The following TPTE2 variants were observed in gnomAD, a reference collection of about 807,000 sequenced individuals.
The protein encoded by TPTE2 is phosphatidylinositol 3,4,5-trisphosphate 3-phosphatase TPTE2.
Under a neutral mutation model 78.6 loss-of-function variants are expected in TPTE2, and 53 were observed. The observed-to-expected ratio is 0.67, with a 90% confidence interval of 0.54 to 0.85. The LOEUF (loss-of-function observed/expected upper bound fraction) is 0.85. Among genes scored for constraint, TPTE2 ranks in the 40% least tolerant of loss-of-function variants. TPTE2 has a pLI of 0.00. For synonymous variants in TPTE2, 175 were observed against 206.2 expected (o/e 0.85, Z 1.30); for missense variants, 461 against 623.0 (o/e 0.74, Z 2.77).
At chr13:19,434,780 G>A (rs935501605) in intron 15 of TPTE2, among the ~76,000 whole-genome samples, 15 of 152,176 alleles carry the variant, frequency 9.9e-5, no homozygotes, top group Admixed American at 6.5e-4. Flanking sequence ...AATCCATTTC[G>A]GAATTCCCAA....
At chr13:19,537,385 C>T (rs1871271578), upstream of TPTE2, among the ~76,000 whole-genome samples, 3 of 151,368 alleles carry the variant, frequency 2.0e-5, no homozygotes, top group Admixed American at 6.6e-5. Flanking sequence ...AGGCACCTGC[C>T]ACCATGCCCA....
the TPTE2 span, among the ~76,000 whole-genome samples, chr13:19,546,664 A>G: frequency 6.6e-6 from 1 of 151,372 alleles, no homozygotes; most frequent in African/African-American, 2.4e-5. Flanking sequence ...CAATTTTTGT[A>G]TTTTTAGTAG....
At chr13:19,436,920 A>C (rs1037732794) in intron 14 of TPTE2, among the ~76,000 whole-genome samples, 6 of 152,232 alleles carry the variant, frequency 3.9e-5, no homozygotes, top group African/African-American at 9.6e-5. Context: ...CAGTTAGAAG[A>C]AGCACAGGCC....
the TPTE2 span, among the ~76,000 whole-genome samples, chr13:19,553,194 T>C: frequency 5.9e-5 from 9 of 152,188 alleles, no homozygotes; most frequent in Non-Finnish European, 1.2e-4. Context: ...CATTAGTGCA[T>C]GTCATCCTCA....
chr13:19,439,233 CACAGCCAGCGGCACTGGCA>C (rs1345366432), intron 13 of TPTE2, among the ~76,000 whole-genome samples: 1 of 152,244 alleles, frequency 6.6e-6, no homozygotes, highest in East Asian at 1.9e-4. Flanking sequence ...GGATCAAGTA[CACAGCCAGCGGCACTGGCA>C]ACAGCCAGCT....
At chr13:19,438,281 G>T in intron 13 of TPTE2, 128 bp from the exon 17 acceptor site, 12 of 1,353,098 alleles carry the variant, frequency 8.9e-6, no homozygotes, top group Middle Eastern at 4.3e-4. Context: ...GTGTCACGCA[G>T]GCTGGAGTGC....
intron 1 of TPTE2, among the ~76,000 whole-genome samples, chr13:19,534,727 G>T (rs1304709559): frequency 6.6e-6 from 1 of 152,006 alleles, no homozygotes; most frequent in Non-Finnish European, 1.5e-5. Flanking sequence ...CTTAAGATTT[G>T]GTTACTTAGA....
At chr13:19,472,933 A>T (rs1291221112) in intron 6 of TPTE2, among the ~76,000 whole-genome samples, 1 of 152,144 alleles carries the variant, frequency 6.6e-6, no homozygotes, top group Non-Finnish European at 1.5e-5. Flanking sequence ...AGCCTCCTAA[A>T]CTCTGTGGTT....
intron 1 of TPTE2, among the ~76,000 whole-genome samples, chr13:19,519,843 G>A (rs1024595880): frequency 2.2e-4 from 33 of 152,286 alleles, no homozygotes; most frequent in African/African-American, 7.0e-4. Flanking sequence ...TAGGAACTGA[G>A]TTGAATATGT....
At chr13:19,518,441 C>A (rs1869938312) in intron 1 of TPTE2, among the ~76,000 whole-genome samples, 1 of 151,992 alleles carries the variant, frequency 6.6e-6, no homozygotes, top group Admixed American at 6.6e-5. Context: ...AAAAAATGGG[C>A]AAAATATGTG....
chr13:19,528,723 G>A lies in TPTE2; in HGVS notation c.-44+7873C>T, dbSNP rs115863051. On this transcript the variant is annotated intron_variant, in intron 1 of 17. Coordinates refer to the TPTE2 transcript ENST00000390680. ...ATATGACTCCTCCTTAAGTCTGCAT[G>A]GTTATCCACCCATCTCAGTCCCCAG... is the stretch of plus-strand genomic sequence containing the variant. 6.7e-3 allele frequency among the ~76,000 whole-genome samples: 1,022 copies of A among 152,250 alleles called. 9 individuals carry two copies. The highest frequency in any genetic ancestry group is 0.022 in the African/African-American group (905 of 41,560).
At chr13:19,430,962 A>T (rs1876543473) in intron 16 of TPTE2, among the ~76,000 whole-genome samples, 1 of 152,026 alleles carries the variant, frequency 6.6e-6, no homozygotes, top group Admixed American at 6.6e-5. Flanking sequence ...CCCCATCTCT[A>T]CTAAAAATAC....
chr13:19,539,081 G>A (rs1442247920), upstream of TPTE2, among the ~76,000 whole-genome samples: 1 of 152,132 alleles, frequency 6.6e-6, no homozygotes, highest in Non-Finnish European at 1.5e-5. Context: ...GCCCTCCCAT[G>A]ATAGCCCATT....
the TPTE2 span, among the ~76,000 whole-genome samples, chr13:19,553,002 TG>T: frequency 1.5e-4 from 22 of 151,636 alleles, no homozygotes; most frequent in South Asian, 4.2e-3. Flanking sequence ...TGAATGTGAA[TG>T]TTTTTTGTAC....
intron 19 of TPTE2, among the ~76,000 whole-genome samples, chr13:19,424,559 T>C (rs1875874050): frequency 6.6e-6 from 1 of 152,212 alleles, no homozygotes; most frequent in African/African-American, 2.4e-5. Flanking sequence ...CCTGCCTTAC[T>C]TTAGCACAAA....
chr13:19,424,412 C>T (rs1269644767), intron 19 of TPTE2, among the ~76,000 whole-genome samples: 1 of 152,150 alleles, frequency 6.6e-6, no homozygotes, highest in Non-Finnish European at 1.5e-5. Context: ...TATTAGAAAG[C>T]CACATTTGAA....
chr13:19,540,200 T>G (rs1409205765), upstream of TPTE2, among the ~76,000 whole-genome samples: 1 of 152,030 alleles, frequency 6.6e-6, no homozygotes, highest in Non-Finnish European at 1.5e-5. Flanking sequence ...GCATTAAATC[T>G]AGAGATTAAT....
At chr13:19,427,993 AC>A (rs1566034783) in intron 17 of TPTE2, among the ~76,000 whole-genome samples, 1 of 152,208 alleles carries the variant, frequency 6.6e-6, no homozygotes, top group Non-Finnish European at 1.5e-5. Flanking sequence ...GCTGTTATGT[AC>A]TACTGGGGGC....
chr13:19,478,674 G>C (rs1880127061), intron 4 of TPTE2, among the ~76,000 whole-genome samples: 1 of 151,942 alleles, frequency 6.6e-6, no homozygotes, highest in African/African-American at 2.4e-5. Flanking sequence ...ATACCCAAAG[G>C]ATTATAAATC....
Sources: allele counts gnomAD v4.1 joint callset (sites outside exome capture counted in the v4.1 genomes callset), GRCh38; gene constraint gnomAD v4.1.1; transcripts MANE v1.5; gene names NCBI Gene and HGNC (gene_info 2026-07-23, HGNC 2026-07-21).